ADAM9: variants seen among roughly 807,000 people sequenced by gnomAD.
The protein encoded by ADAM9 is disintegrin and metalloproteinase domain-containing protein 9.
In ADAM9, 54 loss-of-function variants were observed where a neutral mutation model predicts 108.1. That is an observed-to-expected ratio of 0.50 (90% CI 0.40 to 0.63). The LOEUF (loss-of-function observed/expected upper bound fraction) is 0.63. Among genes scored for constraint, ADAM9 ranks in the 20% least tolerant of loss-of-function variants. The pLI is 0.00. For synonymous variants in ADAM9, 316 were observed against 336.0 expected, an observed-to-expected ratio of 0.94 and a Z score of 0.65; for missense variants, 830 against 997.7, an observed-to-expected ratio of 0.83 and a Z score of 2.26.
At chr8:39,068,049 A>G (rs1427317019) in intron 14 of ADAM9, among the ~76,000 whole-genome samples, 1 of 152,184 alleles carries the variant, frequency 6.6e-6, no homozygotes, top group African/African-American at 2.4e-5. Context: ...GATTATGTTT[A>G]TTGATTTGCA....
intron 15 of ADAM9, among the ~76,000 whole-genome samples, chr8:39,073,934 A>T (rs1838775957): frequency 6.6e-6 from 1 of 152,198 alleles, no homozygotes; most frequent in African/African-American, 2.4e-5. Flanking sequence ...AACATCTCTG[A>T]GTCTTTGGAC....
intron 18 of ADAM9, among the ~76,000 whole-genome samples, chr8:39,086,300 C>G (rs887845900): frequency 6.6e-5 from 10 of 152,172 alleles, no homozygotes; most frequent in African/African-American, 2.4e-4. Context: ...TAAGTGTGAG[C>G]CAGCATGCCT....
At chr8:39,085,179 A>G (rs1386855591) in intron 18 of ADAM9, among the ~76,000 whole-genome samples, 3 of 152,052 alleles carry the variant, frequency 2.0e-5, no homozygotes, top group African/African-American at 4.8e-5. Flanking sequence ...TAACTTGACT[A>G]TTGATGTGTT....
intron 18 of ADAM9, among the ~76,000 whole-genome samples, chr8:39,089,147 G>T (rs942048071): frequency 2.6e-5 from 4 of 152,180 alleles, no homozygotes; most frequent in Non-Finnish European, 5.9e-5. Context: ...TACTCGGGAG[G>T]TGGAGGCAGC....
rs1564297775 is a variant in ADAM9, at chr8:39,045,122, G to GTGTGCATACATACATATATGTGTATATA, written c.1302+3010_1302+3037dup. Among the ~76,000 whole-genome samples, 10 of 67,896 alleles carry GTGTGCATACATACATATATGTGTATATA rather than the reference G, an allele frequency of 1.5e-4. 3 individuals are homozygous for GTGTGCATACATACATATATGTGTATATA. Among genetic ancestry groups the GTGTGCATACATACATATATGTGTATATA allele is most frequent in the Non-Finnish European group, 2.2e-4 (8 of 36,512 alleles). The allele number at this position is 67,896 out of a possible 152,430, so 44.5% of individuals were successfully genotyped here. On this transcript the variant is annotated intron_variant, in intron 12 of 21. Coordinates refer to ENST00000487273, the MANE Select transcript of ADAM9 (RefSeq NM_003816.3). ...TGTGTGTGCATACATACATATGTGT[G>GTGTGCATACATACATATATGTGTATATA]TGTGCATACATACATATATGTGTAT...
rs1176395989 is a variant in ADAM9 at position 39,053,981 on chromosome 8, A to G, written c.1303-500A>G. Among the ~76,000 whole-genome samples, 3 of 152,184 alleles carry G rather than the reference A, an allele frequency of 2.0e-5. No homozygotes were observed. In the East Asian group the frequency reaches 5.8e-4, roughly 29 times the overall value. On this transcript the variant is annotated intron_variant, in intron 12 of 21. Coordinates refer to ENST00000487273, the MANE Select transcript of ADAM9 (RefSeq NM_003816.3). ...GAAGTAATTAAGGTTAAACGAGGTCATAAGGATGGGGCCCTGATCCACTAG... is the reference window on the plus strand; with the variant it reads ...GAAGTAATTAAGGTTAAACGAGGTCGTAAGGATGGGGCCCTGATCCACTAG...
intron 11 of ADAM9, 71 bp downstream of exon 11, chr8:39,026,881 T>C (rs917414909): frequency 3.8e-6 from 6 of 1,583,316 alleles, no homozygotes; most frequent in Non-Finnish European, 4.3e-6. Flanking sequence ...GTGAGGGATA[T>C]TCATGTCTAC....
At chr8:39,092,461 TATACAGG>T (rs1169694773) in intron 20 of ADAM9, among the ~76,000 whole-genome samples, 2 of 152,146 alleles carry the variant, frequency 1.3e-5, no homozygotes, top group Non-Finnish European at 2.9e-5. Context: ...TGTTGTTATG[TATACAGG>T]ATGGCCACAA....
At position 39,091,314 on chromosome 8, in the gene ADAM9, C is replaced by T. The variant is rs1240936005; in HGVS notation, c.2266C>T (p.His756Tyr). Residue 756 changes from histidine to tyrosine, a missense_variant, in exon 20 of 22, where the codon CAT becomes TAT. By Grantham distance (83) the His-to-Tyr change is moderately conservative. This residue lies in a region of ADAM9 where 238 missense variants were observed against 235.7 expected (regional missense o/e 1.01). Transcript: ENST00000487273. ...PSRQPGSVPR[H>Y]VSPVTPPREV... ...TAGACAGCCGGGGAGTGTTCCTCGA[C>T]ATGTTTCTCCAGTGACACCTCCCAG... The T allele has an allele frequency of 6.2e-7, 1 of 1,613,962 alleles. No homozygotes were observed. Among genetic ancestry groups the T allele is most frequent in the East Asian group, 2.2e-5 (1 of 44,888 alleles).
intron 7 of ADAM9, among the ~76,000 whole-genome samples, 171 bp from the exon 8 acceptor site, chr8:39,021,472 G>T (rs1427390918): frequency 1.3e-5 from 2 of 151,956 alleles, no homozygotes; most frequent in Admixed American, 1.3e-4. Flanking sequence ...TTAGTAGAGA[G>T]AAGGTTTCGC....
chr8:39,020,141 C>T (rs367964273), intron 7 of ADAM9, among the ~76,000 whole-genome samples: 18 of 152,200 alleles, frequency 1.2e-4, no homozygotes, highest in South Asian at 4.2e-4. Flanking sequence ...AAAAATTAGC[C>T]GGGCGTGGTG....
At chr8:39,070,152 CAAAAAAAAAAA>C (rs5891052) in intron 14 of ADAM9, among the ~76,000 whole-genome samples, 2 of 81,426 alleles carry the variant, frequency 2.5e-5, no homozygotes, top group African/African-American at 4.8e-5. Flanking sequence ...GACTCTGTCT[CAAAAAAAAAAA>C]AAAAAAAAAA....
chr8:39,049,871 C>T (rs1370087393), intron 12 of ADAM9, among the ~76,000 whole-genome samples: 1 of 152,134 alleles, frequency 6.6e-6, no homozygotes, highest in East Asian at 1.9e-4. Flanking sequence ...TTTATACTTT[C>T]TTATGCTCCT....
intron 18 of ADAM9, among the ~76,000 whole-genome samples, chr8:39,087,642 A>G (rs1357100057): frequency 6.6e-6 from 1 of 152,246 alleles, no homozygotes; most frequent in African/African-American, 2.4e-5. Context: ...AAAATTCCTA[A>G]TAAATGATAC....
At chr8:39,069,138 T>C (rs1207109443) in intron 14 of ADAM9, among the ~76,000 whole-genome samples, 1 of 152,218 alleles carries the variant, frequency 6.6e-6, no homozygotes, top group Non-Finnish European at 1.5e-5. Context: ...ACTTTAAGAT[T>C]CAGTTTTCTG....
intron 9 of ADAM9, among the ~76,000 whole-genome samples, chr8:39,025,052 G>A (rs960930226): frequency 1.3e-5 from 2 of 152,066 alleles, no homozygotes; most frequent in East Asian, 3.9e-4. Context: ...ACAGGTGTGT[G>A]GGGTGTGACT....
In ADAM9 at chr8:39,088,354, A is replaced by T. The variant is rs952337512; in HGVS notation, c.2069-1693A>T. Among the ~76,000 whole-genome samples, 5 of 151,644 alleles carry T rather than the reference A, an allele frequency of 3.3e-5. No individual in the cohort carries two copies. The East Asian group carries it at 7.8e-4, about 24-fold the overall frequency. ...AATCTCGGCTCCGCCTCCCGGGTTC[A>T]TGCCATTCTCCTGCCTCAGCCTCCC... On this transcript the variant is annotated intron_variant, in intron 18 of 21. Coordinates refer to ENST00000487273, the MANE Select transcript of ADAM9 (RefSeq NM_003816.3).
At chr8:39,098,327 G>T (rs540124526) in intron 20 of ADAM9, among the ~76,000 whole-genome samples, 67 of 152,158 alleles carry the variant, frequency 4.4e-4, no homozygotes, top group African/African-American at 1.6e-3. Context: ...TTCAGTTCTA[G>T]CAAATTCTTA....
chr8:39,087,814 G>A (rs886120796), intron 18 of ADAM9, among the ~76,000 whole-genome samples: 15 of 152,150 alleles, frequency 9.9e-5, no homozygotes, highest in African/African-American at 2.4e-5. Context: ...CAATGCAAAG[G>A]TTAGGGGCTC....
Sources: gnomAD v4.1 joint callset for allele counts (sites outside exome capture counted in the v4.1 genomes callset) on GRCh38, gnomAD v4.1.1 for gene constraint, gnomAD v4.1.1 regional missense constraint, MANE v1.5 for transcripts, NCBI Gene and HGNC (gene_info 2026-07-23, HGNC 2026-07-21) for gene names.